CDH18: variants seen among roughly 807,000 people sequenced by gnomAD.
The protein encoded by CDH18 is cadherin-18.
In CDH18, 31 loss-of-function variants were observed where a neutral mutation model predicts 67.9. The ratio of observed to expected loss-of-function variants is 0.46; its 90% CI spans 0.34 to 0.62. The LOEUF (loss-of-function observed/expected upper bound fraction) is 0.62. Ranked by LOEUF, CDH18 falls within the 20% of genes least tolerant of loss-of-function variation. The pLI is 0.01. For missense variants in CDH18, 890 were observed against 975.5 expected, an observed-to-expected ratio of 0.91 and a Z score of 1.17; for synonymous variants, 362 against 347.2, an observed-to-expected ratio of 1.04 and a Z score of -0.48.
intron 2 of CDH18, among the ~76,000 whole-genome samples, chr5:19,910,640 T>C (rs1791029258): frequency 6.6e-6 from 1 of 152,112 alleles, no homozygotes. Context: ...AAGAATTCAT[T>C]GTAGCACAAA....
At chr5:20,091,015 A>G (rs986976985) in intron 2 of CDH18, among the ~76,000 whole-genome samples, 2 of 151,812 alleles carry the variant, frequency 1.3e-5, no homozygotes, top group African/African-American at 4.8e-5. Context: ...GCACCACTGT[A>G]CACCAGTCTG....
rs977240162 is a variant in CDH18 at position 19,471,766 on chromosome 5, G to T, written c.*1460C>A. On this transcript the variant is annotated 3_prime_UTR_variant, in exon 13 of 13. Coordinates refer to ENST00000382275, the MANE Select transcript of CDH18 (RefSeq NM_004934.5). ...GGAATTGTGTACATATATTTAAACA[G>T]TAGCTTCACTGTTGAAGATTTCATG... is the stretch of plus-strand genomic sequence containing the variant. Among the ~76,000 whole-genome samples the T allele has an allele frequency of 7.9e-5, 12 of 152,100 alleles. No individual in the cohort carries two copies. Among genetic ancestry groups the T allele is most frequent in the Admixed American group, 7.2e-4 (11 of 15,258 alleles).
At chr5:19,668,904 A>T (rs1758331856) in intron 5 of CDH18, among the ~76,000 whole-genome samples, 2 of 151,706 alleles carry the variant, frequency 1.3e-5, no homozygotes, top group South Asian at 4.1e-4. Context: ...CTATATTATA[A>T]TTCTTGAGAT....
chr5:19,801,104 T>C (rs1777416004), intron 3 of CDH18, among the ~76,000 whole-genome samples: 1 of 152,086 alleles, frequency 6.6e-6, no homozygotes, highest in Non-Finnish European at 1.5e-5. Context: ...AAAATGACAC[T>C]CCGTCTCAGA....
At chr5:20,453,617 A>G (rs953127710) in intron 1 of CDH18, among the ~76,000 whole-genome samples, 16 of 151,534 alleles carry the variant, frequency 1.1e-4, no homozygotes, top group South Asian at 4.1e-4. Flanking sequence ...GTGTGTGTGT[A>G]TATATATATG....
chr5:19,968,269 A>C (rs545415521), intron 2 of CDH18, among the ~76,000 whole-genome samples: 1 of 152,290 alleles, frequency 6.6e-6, no homozygotes, highest in Admixed American at 6.5e-5. Context: ...ATACTGCCCA[A>C]GGTAATTTAT....
chr5:20,098,020 T>C (rs1200501404), intron 2 of CDH18, among the ~76,000 whole-genome samples: 2 of 151,982 alleles, frequency 1.3e-5, no homozygotes, highest in South Asian at 2.1e-4. Flanking sequence ...AATGTTTTAA[T>C]TGTATTTCTA....
At chr5:20,281,546 T>A (rs939415615) in intron 1 of CDH18, among the ~76,000 whole-genome samples, 13 of 152,156 alleles carry the variant, frequency 8.5e-5, no homozygotes, top group Non-Finnish European at 2.9e-5. Context: ...CTGAGGGCTC[T>A]GTTCTTTTCC....
chr5:19,981,986 T>A (rs1300986378), intron 1 of CDH18, among the ~76,000 whole-genome samples: 1 of 152,186 alleles, frequency 6.6e-6, no homozygotes, highest in Non-Finnish European at 1.5e-5. Context: ...CCAGCTTTCT[T>A]CCCAAACAGA....
At chr5:19,667,988 A>T (rs1445767127) in intron 5 of CDH18, among the ~76,000 whole-genome samples, 2 of 152,022 alleles carry the variant, frequency 1.3e-5, no homozygotes, top group Non-Finnish European at 1.5e-5. Flanking sequence ...TATTTAGTTT[A>T]ACCAATAATA....
chr5:20,343,023 T>G (rs922682361), intron 1 of CDH18, among the ~76,000 whole-genome samples: 1 of 152,180 alleles, frequency 6.6e-6, no homozygotes, highest in Non-Finnish European at 1.5e-5. Flanking sequence ...ATTGCTTTTC[T>G]CTGTATGTCA....
chr5:19,682,818 T>C (rs1760528960), intron 5 of CDH18, among the ~76,000 whole-genome samples: 1 of 152,086 alleles, frequency 6.6e-6, no homozygotes. Flanking sequence ...GAAGTGTTAG[T>C]TTCATCCAGC....
At chr5:19,927,484 C>T (rs1350528510) in intron 2 of CDH18, among the ~76,000 whole-genome samples, 3 of 152,106 alleles carry the variant, frequency 2.0e-5, no homozygotes, top group Non-Finnish European at 4.4e-5. Context: ...TTAATGACCA[C>T]ACTGTACTGA....
chr5:19,576,313 A>G (rs920623317), intron 7 of CDH18, among the ~76,000 whole-genome samples: 2 of 152,164 alleles, frequency 1.3e-5, no homozygotes, highest in Admixed American at 1.3e-4. Flanking sequence ...GAGATAATAC[A>G]TGATTTGAAG....
chr5:20,057,815 A>C (rs1742124195), intron 2 of CDH18, among the ~76,000 whole-genome samples: 2 of 152,168 alleles, frequency 1.3e-5, no homozygotes, highest in South Asian at 2.1e-4. Context: ...TAAATAATAA[A>C]TAAAGACTAC....
In CDH18 at chr5:19,477,144, TTA is replaced by T. The variant is rs1465115940; in HGVS notation, c.1883-3430_1883-3429del. ...AATAAAAGGAGATATATATATATAT[TTA>T]TATATATATATGTATAAAATCAAAA... On this transcript the variant is annotated intron_variant, in intron 12 of 12. Transcript: ENST00000382275. 3.0e-3 allele frequency among the ~76,000 whole-genome samples: 443 copies of T among 147,226 alleles called. 3 individuals are homozygous for T. The highest frequency in any genetic ancestry group is 4.7e-3 in the African/African-American group (191 of 40,396).
chr5:19,625,107 A>G lies in CDH18; in HGVS notation c.644-12506T>C, dbSNP rs371371566. Among the ~76,000 whole-genome samples the G allele has an allele frequency of 9.2e-5, 14 of 152,144 alleles. No individual in the cohort carries two copies. In the East Asian group the frequency reaches 1.7e-3, roughly 19 times the overall value. ...ATATATAGCAGATTAGTTGTGGTTA[A>G]TGCTCTTATTTTCTGTGGTTCTCAT... On this transcript the variant is annotated intron_variant, in intron 5 of 12. Transcript: ENST00000382275.
At chr5:20,367,822 A>C (rs1259130448) in intron 1 of CDH18, among the ~76,000 whole-genome samples, 2 of 152,122 alleles carry the variant, frequency 1.3e-5, no homozygotes, top group Non-Finnish European at 2.9e-5. Context: ...AATTGGTTGT[A>C]CTCCTTTAAC....
upstream of CDH18, among the ~76,000 whole-genome samples, chr5:19,991,537 A>T (rs1229213971): frequency 6.6e-6 from 1 of 152,144 alleles, no homozygotes; most frequent in African/African-American, 2.4e-5. Context: ...GCAATAGGAA[A>T]TTTCTCTGCA....
Sources: gnomAD v4.1 joint callset for allele counts (sites outside exome capture counted in the v4.1 genomes callset) on GRCh38, gnomAD v4.1.1 for gene constraint, MANE v1.5 for transcripts, NCBI Gene and HGNC (gene_info 2026-07-23, HGNC 2026-07-21) for gene names.